The following PRKCE variants were observed in gnomAD, a reference collection of about 807,000 sequenced individuals.
The protein encoded by PRKCE is protein kinase C epsilon.
In PRKCE, 16 loss-of-function variants were observed where a neutral mutation model predicts 85.4. The ratio of observed to expected loss-of-function variants is 0.19; its 90% confidence interval spans 0.13 to 0.28. The LOEUF (loss-of-function observed/expected upper bound fraction) is 0.28. Among genes scored for constraint, PRKCE ranks in the 10% least tolerant of loss-of-function variants. The pLI, the probability that PRKCE is intolerant of heterozygous loss-of-function variation, is 1.00. For missense variants in PRKCE, 573 were observed against 975.2 expected (o/e 0.59, Z 5.49); for synonymous variants, 388 against 371.5 (o/e 1.04, Z -0.51).
chr2:46,026,018 G>T (rs780943717), intron 10 of PRKCE, among the ~76,000 whole-genome samples: 3 of 152,186 alleles, frequency 2.0e-5, no homozygotes, highest in Non-Finnish European at 2.9e-5. Flanking sequence ...AGCTGAAAAT[G>T]ATCAATAGAT....
At chr2:46,043,712 T>A (rs1197056341) in intron 10 of PRKCE, among the ~76,000 whole-genome samples, 1 of 152,258 alleles carries the variant, frequency 6.6e-6, no homozygotes, top group Non-Finnish European at 1.5e-5. Context: ...AGGGGGTTTC[T>A]GTTACTTCTG....
intron 1 of PRKCE, among the ~76,000 whole-genome samples, chr2:45,792,855 G>A (rs2105105924): frequency 6.6e-6 from 1 of 152,354 alleles, no homozygotes; most frequent in East Asian, 1.9e-4. Flanking sequence ...CTGGAGTACA[G>A]TGGCACGATC....
intron 1 of PRKCE, among the ~76,000 whole-genome samples, chr2:45,667,399 C>A (rs565602833): frequency 1.3e-5 from 2 of 152,264 alleles, no homozygotes; most frequent in South Asian, 4.1e-4. Flanking sequence ...CCTCTCACTT[C>A]GGCCTCCCAA....
At chr2:45,718,521 T>A (rs2104438673) in intron 1 of PRKCE, among the ~76,000 whole-genome samples, 1 of 152,134 alleles carries the variant, frequency 6.6e-6, no homozygotes, top group South Asian at 2.1e-4. Flanking sequence ...ATTTTTGTAT[T>A]TTTGTAGAGA....
intron 2 of PRKCE, among the ~76,000 whole-genome samples, chr2:45,942,052 G>A (rs970835313): frequency 2.0e-5 from 3 of 152,284 alleles, no homozygotes; most frequent in East Asian, 1.9e-4. Context: ...TTGCTGTTAT[G>A]AATTTGTTAG....
chr2:45,987,285 G>A (rs925250572), intron 6 of PRKCE, among the ~76,000 whole-genome samples: 1 of 152,122 alleles, frequency 6.6e-6, no homozygotes, highest in Non-Finnish European at 1.5e-5. Flanking sequence ...AAGGGTATCT[G>A]TCCATGGGAG....
intron 11 of PRKCE, among the ~76,000 whole-genome samples, chr2:46,108,181 G>A (rs1400114313): frequency 6.6e-6 from 1 of 152,168 alleles, no homozygotes; most frequent in Non-Finnish European, 1.5e-5. Context: ...AAAGCTCTTG[G>A]ATTATAGGTG....
At chr2:45,691,936 C>T (rs1475473372) in intron 1 of PRKCE, among the ~76,000 whole-genome samples, 1 of 152,184 alleles carries the variant, frequency 6.6e-6, no homozygotes, top group Non-Finnish European at 1.5e-5. Flanking sequence ...CACAACACAC[C>T]GCTCTGAGGT....
chr2:45,757,305 CAAAAAAA>C (rs35603923), intron 1 of PRKCE, among the ~76,000 whole-genome samples: 3 of 50,812 alleles, frequency 5.9e-5, no homozygotes, highest in Admixed American at 2.9e-4. Context: ...AGACTGTCTC[CAAAAAAA>C]AAAAAAAAAA....
chr2:46,001,677 C>T lies in PRKCE; in HGVS notation c.966+131C>T. 1 of 1,064,514 alleles carries T rather than the reference C, an allele frequency of 9.4e-7. No individual in the cohort carries two copies. The highest frequency in any genetic ancestry group is 1.2e-6 in the Non-Finnish European group (1 of 805,554). The allele number at this position is 1,064,514 out of a possible 1,614,324, so 65.9% of individuals were successfully genotyped here. The stretch of plus-strand genomic sequence containing the variant: ...AGGTATTTTACTCAGAACTGCAGTA[C>T]TTAAAGAAAAAAACAAAGATAGAAG... On this transcript the variant is annotated intron_variant, in intron 7 of 14. Transcript: ENST00000306156. The surrounding 1 kb of genome is among the most constrained non-coding windows in gnomAD (Gnocchi z 4.4).
intron 2 of PRKCE, among the ~76,000 whole-genome samples, chr2:45,935,385 A>G (rs1699368217): frequency 2.0e-5 from 3 of 152,210 alleles, no homozygotes; most frequent in Non-Finnish European, 4.4e-5. Flanking sequence ...TCAAGCTAAG[A>G]ACTTTTGAAG....
chr2:45,836,389 G>A (rs543137202), intron 1 of PRKCE, among the ~76,000 whole-genome samples: 1 of 152,214 alleles, frequency 6.6e-6, no homozygotes, highest in Admixed American at 6.5e-5. Flanking sequence ...TACCAATAGA[G>A]CAAGTAGCAA....
chr2:45,662,360 C>G (rs981867241), intron 1 of PRKCE, among the ~76,000 whole-genome samples: 2 of 152,090 alleles, frequency 1.3e-5, no homozygotes, highest in South Asian at 4.2e-4. Context: ...AAATTACAAC[C>G]GAGAAGCACA....
rs1467091694 is a variant in PRKCE, at chr2:46,173,265, A to G, written c.2068-11470A>G. Among the ~76,000 whole-genome samples, 6 of 152,342 alleles carry G rather than the reference A, an allele frequency of 3.9e-5. No individual in the cohort carries two copies. In the East Asian group the frequency reaches 1.2e-3, roughly 29 times the overall value. On this transcript the variant is annotated intron_variant, in intron 14 of 14. Coordinates refer to ENST00000306156, the MANE Select transcript of PRKCE (RefSeq NM_005400.3). The stretch of plus-strand genomic sequence containing the variant: ...TATCGGAACACAGCCACCGTCATTC[A>G]TTTACACAAGTTCATGCTGCTTTTG...
chr2:46,000,062 A>G (rs866478800), intron 6 of PRKCE, among the ~76,000 whole-genome samples: 1 of 152,096 alleles, frequency 6.6e-6, no homozygotes. Context: ...TTAAATTCCC[A>G]GTCAGATAAT....
At chr2:45,681,018 C>T (rs1043455410) in intron 1 of PRKCE, among the ~76,000 whole-genome samples, 6 of 152,188 alleles carry the variant, frequency 3.9e-5, no homozygotes, top group Non-Finnish European at 4.4e-5. Flanking sequence ...GGGCTGAGTG[C>T]GGTGGCGCAC....
At chr2:45,918,031 G>T (rs1311441812) in intron 2 of PRKCE, among the ~76,000 whole-genome samples, 1 of 152,250 alleles carries the variant, frequency 6.6e-6, no homozygotes, top group African/African-American at 2.4e-5. Flanking sequence ...GCCGCGCGCA[G>T]CCCCGGTTCC....
intron 2 of PRKCE, among the ~76,000 whole-genome samples, chr2:45,902,263 T>A (rs748125957): frequency 6.6e-6 from 1 of 152,178 alleles, no homozygotes; most frequent in Non-Finnish European, 1.5e-5. Flanking sequence ...TTAGAAAACA[T>A]CCATTGTTCC....
At chr2:46,059,806 C>A (rs1479735890) in intron 10 of PRKCE, among the ~76,000 whole-genome samples, 1 of 152,102 alleles carries the variant, frequency 6.6e-6, no homozygotes, top group African/African-American at 2.4e-5. Context: ...ATAGTGAGAC[C>A]CCTGTCTCTT....
Sources: gnomAD v4.1 joint callset for allele counts (sites outside exome capture counted in the v4.1 genomes callset) on GRCh38, gnomAD v4.1.1 for gene constraint, Gnocchi (gnomAD v3.1) non-coding constraint, MANE v1.5 for transcripts, NCBI Gene and HGNC (gene_info 2026-07-23, HGNC 2026-07-21) for gene names.